The following SETBP1 variants were observed in gnomAD, a reference collection of about 807,000 sequenced individuals.
The protein encoded by SETBP1 is SET binding protein 1, also known as SET-binding protein.
A neutral mutation model predicts 101.0 loss-of-function variants in SETBP1; 9 were observed. The ratio of observed to expected loss-of-function variants is 0.09; its 90% CI spans 0.05 to 0.16. The LOEUF is 0.16. Ranked by LOEUF, SETBP1 falls within the 10% of genes least tolerant of loss-of-function variation. The pLI is 1.00. For synonymous variants in SETBP1, 818 were observed against 788.5 expected (o/e 1.04, Z -0.63); for missense variants, 1,858 against 2,033.8 (o/e 0.91, Z 1.66).
At chr18:44,945,004 A>T (rs979916711) in intron 3 of SETBP1, among the ~76,000 whole-genome samples, 2 of 152,054 alleles carry the variant, frequency 1.3e-5, no homozygotes, top group East Asian at 3.8e-4. Context: ...TTATTTTTTT[A>T]TATTTTTTTT....
chr18:44,681,361 G>A (rs1476334747), intron 1 of SETBP1, among the ~76,000 whole-genome samples: 1 of 152,214 alleles, frequency 6.6e-6, no homozygotes, highest in Non-Finnish European at 1.5e-5. Flanking sequence ...GACAAAGTCA[G>A]GTAAACTGGA....
intron 2 of SETBP1, chr18:44,732,595 C>T (rs2069861621): frequency 2.0e-5 from 3 of 152,332 alleles, no homozygotes; most frequent in Admixed American, 1.3e-4. Flanking sequence ...ATTTAGCCCT[C>T]AATGCATATA....
chr18:44,954,514 T>G (rs28686854), intron 4 of SETBP1, among the ~76,000 whole-genome samples: 7,734 of 152,136 alleles, frequency 0.051, 700 homozygotes, highest in African/African-American at 0.18. Flanking sequence ...GGAGCCCATA[T>G]TTCCTGAAGG....
At chr18:44,971,334 A>G (rs2071853662) in intron 4 of SETBP1, among the ~76,000 whole-genome samples, 1 of 152,166 alleles carries the variant, frequency 6.6e-6, no homozygotes, top group Non-Finnish European at 1.5e-5. Context: ...CACAGTAAAC[A>G]TATGTGTGCA....
chr18:44,896,206 G>C (rs570644065), intron 3 of SETBP1, among the ~76,000 whole-genome samples: 1 of 152,206 alleles, frequency 6.6e-6, no homozygotes, highest in African/African-American at 2.4e-5. Flanking sequence ...TCTTTGAATT[G>C]GTATTGGAAA....
intron 2 of SETBP1, among the ~76,000 whole-genome samples, chr18:44,862,686 T>G (rs909700971): frequency 2.0e-5 from 3 of 152,208 alleles, no homozygotes; most frequent in Non-Finnish European, 4.4e-5. Context: ...CAATAACAGA[T>G]CCATAGTACA....
intron 4 of SETBP1, among the ~76,000 whole-genome samples, chr18:45,025,885 A>C (rs1038966346): frequency 1.3e-5 from 2 of 152,206 alleles, no homozygotes; most frequent in African/African-American, 4.8e-5. Context: ...AATCTTTCGC[A>C]AGCCAGTAAA....
intron 2 of SETBP1, among the ~76,000 whole-genome samples, chr18:44,717,492 C>A (rs1198045803): frequency 1.3e-5 from 2 of 152,240 alleles, no homozygotes; most frequent in African/African-American, 4.8e-5. Flanking sequence ...ACTTTGCAGA[C>A]ACAGGGCTCT....
At chr18:44,811,319 A>G (rs1430156290) in intron 2 of SETBP1, among the ~76,000 whole-genome samples, 1 of 152,272 alleles carries the variant, frequency 6.6e-6, no homozygotes, top group African/African-American at 2.4e-5. Context: ...GAATACACAT[A>G]CACACGTGCT....
intron 3 of SETBP1, among the ~76,000 whole-genome samples, chr18:44,885,790 G>A (rs1397569895): frequency 7.1e-6 from 1 of 141,546 alleles, no homozygotes; most frequent in East Asian, 2.2e-4. Flanking sequence ...GTGTAGACAG[G>A]GAAAACATGC....
intron 2 of SETBP1, among the ~76,000 whole-genome samples, chr18:44,733,599 AG>A (rs1430465066): frequency 6.6e-6 from 1 of 152,082 alleles, no homozygotes; most frequent in African/African-American, 2.4e-5. Context: ...GGGTTTGGGG[AG>A]GGGTCAGGCT....
At chr18:44,865,037 C>A (rs988449624) in intron 2 of SETBP1, among the ~76,000 whole-genome samples, 2 of 152,126 alleles carry the variant, frequency 1.3e-5, no homozygotes, top group African/African-American at 4.8e-5. Flanking sequence ...GATTTCTGAG[C>A]AAATCTATCC....
chr18:44,794,316 A>T (rs2071428413), intron 2 of SETBP1, among the ~76,000 whole-genome samples: 1 of 152,188 alleles, frequency 6.6e-6, no homozygotes, highest in Non-Finnish European at 1.5e-5. Flanking sequence ...ATGCACTAAG[A>T]GATCATTTTA....
chr18:44,929,594 A>G (rs180984138), intron 3 of SETBP1, among the ~76,000 whole-genome samples: 5,447 of 152,098 alleles, frequency 0.036, 303 homozygotes, highest in African/African-American at 0.12. Context: ...ATCTGTTTGT[A>G]TCCTCTTTTA....
In SETBP1 at chr18:45,028,070, T is replaced by A. The variant is rs377249780; in HGVS notation, c.4001-10415T>A. ...TACATGTGCACAACGTGCAGGTTAG[T>A]TACGTATGTATACGTGTGCCATGCT... On this transcript the variant is annotated intron_variant, in intron 4 of 5. Coordinates refer to ENST00000649279, the MANE Select transcript of SETBP1 (RefSeq NM_015559.3). 6.0e-4 allele frequency among the ~76,000 whole-genome samples: 91 copies of A among 152,292 alleles called. 2 individuals carry two copies. In the South Asian group the frequency reaches 0.018, roughly 30 times the overall value.
At chr18:44,935,688 A>C (rs892887300) in intron 3 of SETBP1, among the ~76,000 whole-genome samples, 1 of 152,256 alleles carries the variant, frequency 6.6e-6, no homozygotes, top group Non-Finnish European at 1.5e-5. Context: ...CATGTGCAGA[A>C]GGGGAGCCTT....
At chr18:44,707,151 T>C (rs560439696) in intron 2 of SETBP1, among the ~76,000 whole-genome samples, 1 of 152,328 alleles carries the variant, frequency 6.6e-6, no homozygotes, top group East Asian at 1.9e-4. Flanking sequence ...GCCAATTCTA[T>C]TAGACTCCAA....
intron 2 of SETBP1, among the ~76,000 whole-genome samples, chr18:44,748,025 T>TG (rs1236560648): frequency 6.6e-6 from 1 of 151,988 alleles, no homozygotes; most frequent in African/African-American, 2.4e-5. Context: ...CTGAGTGGGG[T>TG]GGGGAGGCTG....
At chr18:44,752,206 C>T (rs544126383) in intron 2 of SETBP1, among the ~76,000 whole-genome samples, 12 of 152,282 alleles carry the variant, frequency 7.9e-5, no homozygotes, top group South Asian at 6.2e-4. Flanking sequence ...ATGAATTACC[C>T]GCCCAATCCA....
Sources: allele counts gnomAD v4.1 joint callset (sites outside exome capture counted in the v4.1 genomes callset), GRCh38; gene constraint gnomAD v4.1.1; transcripts MANE v1.5; gene names NCBI Gene and HGNC (gene_info 2026-07-23, HGNC 2026-07-21).